PEX14: variants seen among roughly 807,000 people sequenced by gnomAD.
PEX14 encodes the protein peroxisomal biogenesis factor 14, also known as peroxisomal membrane protein PEX14.
In PEX14, 15 loss-of-function variants were observed where a neutral mutation model predicts 49.5. The observed-to-expected ratio is 0.30, with a 90% confidence interval of 0.20 to 0.47. The LOEUF is 0.47. Among genes scored for constraint, PEX14 ranks in the 20% least tolerant of loss-of-function variants. The pLI is 1.00. For synonymous variants in PEX14, 210 were observed against 212.7 expected (o/e 0.99, Z 0.11); for missense variants, 398 against 494.8 (o/e 0.80, Z 1.86).
intron 1 of PEX14, among the ~76,000 whole-genome samples, chr1:10,478,525 T>C (rs940458767): frequency 2.6e-5 from 4 of 152,218 alleles, no homozygotes; most frequent in Non-Finnish European, 5.9e-5. Context: ...TCAAGACGAC[T>C]TGCTGGAATT....
chr1:10,560,128 G>C (rs764408644), intron 3 of PEX14, among the ~76,000 whole-genome samples: 18 of 152,028 alleles, frequency 1.2e-4, no homozygotes, highest in Non-Finnish European at 2.4e-4. Flanking sequence ...CACGATCTTG[G>C]CTCACTGCAA....
At chr1:10,552,933 G>A (rs766580838) in intron 3 of PEX14, among the ~76,000 whole-genome samples, 2 of 152,174 alleles carry the variant, frequency 1.3e-5, no homozygotes, top group African/African-American at 2.4e-5. Context: ...GGATGTGATG[G>A]GGCATAGCCA....
intron 2 of PEX14, among the ~76,000 whole-genome samples, chr1:10,524,830 C>T (rs1015307902): frequency 2.2e-4 from 34 of 152,236 alleles, no homozygotes; most frequent in African/African-American, 7.0e-4. Flanking sequence ...GTAGCTGGAG[C>T]GCCACTACGC....
At chr1:10,593,217 G>A (rs1442721528) in intron 3 of PEX14, among the ~76,000 whole-genome samples, 4 of 152,176 alleles carry the variant, frequency 2.6e-5, no homozygotes, top group Non-Finnish European at 4.4e-5. Flanking sequence ...AGGGATTGGT[G>A]CAAGTTTTAA....
rs555266015 is a variant in PEX14 at position 10,484,281 on chromosome 1, G to T, written c.36+9279G>T. 2.6e-5 allele frequency among the ~76,000 whole-genome samples: 4 copies of T among 151,512 alleles called. No homozygotes were observed. The South Asian group carries it at 6.2e-4, about 24-fold the overall frequency. ...TTGAACCCCTGACCTCAAATGATTT[G>T]CCCACCTCGGCCTCCCAAAGTGCTG... On this transcript the variant is annotated intron_variant, in intron 1 of 8. Transcript: ENST00000356607.
At position 10,484,423 on chromosome 1, in the gene PEX14, T is replaced by A. The variant is rs570462661; in HGVS notation, c.36+9421T>A. Among the ~76,000 whole-genome samples, 4 of 151,810 alleles carry A rather than the reference T, an allele frequency of 2.6e-5. No homozygotes were observed. The East Asian group carries it at 7.7e-4, about 29-fold the overall frequency. ...CCTGACCTCATGTGATCCAACTGCCTTGGCCTCCCAATGTGTTGGGATTAC... is the reference window on the plus strand; with the variant it reads ...CCTGACCTCATGTGATCCAACTGCCATGGCCTCCCAATGTGTTGGGATTAC... On this transcript the variant is annotated intron_variant, in intron 1 of 8. Coordinates refer to ENST00000356607, the MANE Select transcript of PEX14 (RefSeq NM_004565.3).
In PEX14 at chr1:10,494,931, C is replaced by A. The variant is rs1641532180; in HGVS notation, c.37-343C>A. Reference sequence around the variant, plus strand: ...GGAGGTGTTGTGCTCTCTCTTCAGGCCTTTTCTCTGGACTCTACTCTTCCC... The same window carrying A: ...GGAGGTGTTGTGCTCTCTCTTCAGGACTTTTCTCTGGACTCTACTCTTCCC... On this transcript the variant is annotated intron_variant, in intron 1 of 8. Coordinates refer to ENST00000356607, the MANE Select transcript of PEX14 (RefSeq NM_004565.3). This position sits in a 1 kb window ranked among gnomAD's most constrained non-coding sequence, Gnocchi z 4.3. 6.6e-6 allele frequency among the ~76,000 whole-genome samples: 1 copy of A among 152,188 alleles called. No homozygotes were observed. Among genetic ancestry groups the A allele is most frequent in the Non-Finnish European group, 1.5e-5 (1 of 68,036 alleles).
At chr1:10,515,594 C>T (rs771438698) in intron 2 of PEX14, among the ~76,000 whole-genome samples, 16 of 152,170 alleles carry the variant, frequency 1.1e-4, no homozygotes, top group Non-Finnish European at 2.1e-4. Flanking sequence ...TCCTGAGCTT[C>T]GTTCTCAGTT....
chr1:10,535,792 T>C lies in PEX14; in HGVS notation c.85-421T>C, dbSNP rs182524165. 424 of 335,244 alleles carry C rather than the reference T, an allele frequency of 1.3e-3. 4 individuals carry two copies. The highest frequency in any genetic ancestry group is 7.4e-3 in the African/African-American group (343 of 46,540). 20.8% of individuals were successfully genotyped at this position (335,244 alleles called of 1,614,324 possible). On this transcript the variant is annotated intron_variant, in intron 2 of 8. Transcript: ENST00000356607. ...GATAGAGAACGTGTGTGTGTGTGTG[T>C]GCGTGTGTACGTGCGCGTGGGGTAA...
intron 3 of PEX14, among the ~76,000 whole-genome samples, chr1:10,545,553 A>T (rs533413552): frequency 1.3e-5 from 2 of 152,344 alleles, no homozygotes; most frequent in East Asian, 1.9e-4. Context: ...CTTAAGAGTG[A>T]CTAAATAATA....
intron 3 of PEX14, 59 bp downstream of exon 3, chr1:10,536,356 T>C (rs1638803356): frequency 9.5e-7 from 1 of 1,050,502 alleles, no homozygotes; most frequent in Admixed American, 1.7e-5. Flanking sequence ...CTGGGGCAGA[T>C]GGAAGCCACG....
intron 3 of PEX14, among the ~76,000 whole-genome samples, chr1:10,579,980 A>G (rs192712270): frequency 1.3e-5 from 2 of 152,000 alleles, no homozygotes; most frequent in African/African-American, 4.8e-5. Flanking sequence ...TCTGGTTCAC[A>G]TGCCTCTGAC....
intron 1 of PEX14, among the ~76,000 whole-genome samples, chr1:10,484,919 G>A (rs972244311): frequency 6.6e-6 from 1 of 151,612 alleles, no homozygotes; most frequent in African/African-American, 2.4e-5. Flanking sequence ...ACATTACCAC[G>A]ACGTATCTCA....
At chr1:10,527,765 C>G (rs1173587040) in intron 2 of PEX14, among the ~76,000 whole-genome samples, 2 of 151,788 alleles carry the variant, frequency 1.3e-5, no homozygotes, top group Non-Finnish European at 2.9e-5. Context: ...CCTCTGCCTC[C>G]CAGGTTCAAG....
intron 2 of PEX14, among the ~76,000 whole-genome samples, chr1:10,510,329 G>A (rs192493160): frequency 1.2e-4 from 18 of 152,278 alleles, no homozygotes; most frequent in African/African-American, 3.4e-4. Flanking sequence ...ATGGTTAGAT[G>A]GCAGGCTGCA....
chr1:10,555,691 C>A (rs925934275), intron 3 of PEX14, among the ~76,000 whole-genome samples: 1 of 149,124 alleles, frequency 6.7e-6, no homozygotes, highest in Non-Finnish European at 1.5e-5. Context: ...GGGTGAGGGG[C>A]CGCAGTGCCT....
At chr1:10,577,553 TATATA>T (rs1557854811) in intron 3 of PEX14, among the ~76,000 whole-genome samples, 1 of 11,374 alleles carries the variant, frequency 8.8e-5, no homozygotes, top group Non-Finnish European at 1.8e-4. Flanking sequence ...TATATATATA[TATATA>T]TATATTTTTT....
intron 2 of PEX14, among the ~76,000 whole-genome samples, chr1:10,534,224 T>C (rs950408625): frequency 1.2e-4 from 19 of 152,268 alleles, no homozygotes; most frequent in African/African-American, 4.1e-4. Flanking sequence ...TGAAGGTGTA[T>C]TTTTTTCTCC....
In PEX14 at chr1:10,495,386, C is replaced by G; in HGVS notation, c.84+65C>G. On this transcript the variant is annotated intron_variant, in intron 2 of 8. Transcript: ENST00000356607. This position sits in a 1 kb window ranked among gnomAD's most constrained non-coding sequence, Gnocchi z 4.2. ...AAAATGCCACGCGAGTGAAAAGAAA[C>G]CTTCTGTTCCTATGGTTCTGCGTCA... 1 of 1,278,172 alleles carries G rather than the reference C, an allele frequency of 7.8e-7. No individual in the cohort carries two copies. The highest frequency in any genetic ancestry group is 1.1e-6 in the Non-Finnish European group (1 of 884,740). 79.2% of individuals were successfully genotyped at this position (1,278,172 alleles called of 1,614,324 possible). A position where few individuals can be genotyped will look rare whatever the true frequency, so the allele number is the denominator to read the frequency against.
Sources: gnomAD v4.1 joint callset for allele counts (sites outside exome capture counted in the v4.1 genomes callset) on GRCh38, gnomAD v4.1.1 for gene constraint, Gnocchi (gnomAD v3.1) non-coding constraint, MANE v1.5 for transcripts, NCBI Gene and HGNC (gene_info 2026-07-23, HGNC 2026-07-21) for gene names.